Variants in AHI1 observed in about 807,000 individuals in gnomAD.
The protein encoded by AHI1 is jouberin.
Under a neutral mutation model 149.3 loss-of-function variants are expected in AHI1, and 123 were observed. The ratio of observed to expected loss-of-function variants is 0.82; its 90% CI spans 0.71 to 0.96. The LOEUF is 0.96. Ranked by LOEUF, AHI1 falls within the 40% of genes least tolerant of loss-of-function variation. AHI1 has a pLI of 0.00. For missense variants in AHI1, 1,439 were observed against 1,422.7 expected (o/e 1.01, Z -0.18); for synonymous variants, 475 against 459.8 (o/e 1.03, Z -0.42).
intron 5 of AHI1, among the ~76,000 whole-genome samples, chr6:135,469,645 A>G (rs1791378886): frequency 6.6e-6 from 1 of 152,164 alleles, no homozygotes; most frequent in Non-Finnish European, 1.5e-5. Context: ...AACAGAAATA[A>G]GATCTCAGAA....
chr6:135,389,280 G>T (rs1168723797), intron 23 of AHI1, among the ~76,000 whole-genome samples: 2 of 142,570 alleles, frequency 1.4e-5, no homozygotes, highest in African/African-American at 5.5e-5. Flanking sequence ...CACTGCACCA[G>T]CCTGGGTGAC....
At chr6:135,344,729 T>G (rs796762158) in intron 24 of AHI1, among the ~76,000 whole-genome samples, 1 of 151,546 alleles carries the variant, frequency 6.6e-6, no homozygotes, top group Admixed American at 6.6e-5. Flanking sequence ...CTTTTCTTTC[T>G]TTCCCTTCCT....
intron 14 of AHI1, among the ~76,000 whole-genome samples, chr6:135,440,144 CA>C (rs1280054863): frequency 6.6e-6 from 1 of 152,098 alleles, no homozygotes; most frequent in East Asian, 1.9e-4. Context: ...TGGGGCAGAA[CA>C]GGTCTGATGC....
chr6:135,353,112 T>C (rs1219836459), intron 24 of AHI1, among the ~76,000 whole-genome samples: 3 of 152,136 alleles, frequency 2.0e-5, no homozygotes, highest in South Asian at 2.1e-4. Flanking sequence ...CAATTTACAA[T>C]GTCTGGAGAA....
intron 8 of AHI1, among the ~76,000 whole-genome samples, chr6:135,458,286 G>C (rs780160001): frequency 1.3e-5 from 2 of 152,158 alleles, no homozygotes; most frequent in African/African-American, 4.8e-5. Flanking sequence ...CTGAAGATGA[G>C]AGTTTGGCTT....
intron 26 of AHI1, chr6:135,301,429 A>G: frequency 1.0e-6 from 1 of 985,382 alleles, no homozygotes; most frequent in South Asian, 4.7e-5. Flanking sequence ...GTCTTGTTTG[A>G]GTAACTGCTT....
At chr6:135,329,971 C>T (rs1788293190) in intron 24 of AHI1, among the ~76,000 whole-genome samples, 1 of 152,206 alleles carries the variant, frequency 6.6e-6, no homozygotes. Flanking sequence ...GGAGCCTGAA[C>T]ACGTGACTGA....
chr6:135,418,212 G>A (rs1234026616), intron 20 of AHI1, among the ~76,000 whole-genome samples: 3 of 151,996 alleles, frequency 2.0e-5, no homozygotes, highest in Non-Finnish European at 2.9e-5. Context: ...TACAGACACT[G>A]GCCCCACTTG....
At chr6:135,429,833 A>T in intron 18 of AHI1, 49 bp downstream of exon 18, 1 of 1,094,426 alleles carries the variant, frequency 9.1e-7, no homozygotes, top group Non-Finnish European at 1.3e-6. Flanking sequence ...AATTTAATTC[A>T]TTACTTACTC....
intron 5 of AHI1, among the ~76,000 whole-genome samples, chr6:135,486,233 T>C (rs971838043): frequency 3.9e-5 from 6 of 152,150 alleles, no homozygotes; most frequent in Non-Finnish European, 8.8e-5. Flanking sequence ...AGGCTAGGTG[T>C]CTCCCTTTCC....
chr6:135,301,632 C>CT, intron 26 of AHI1: 1 of 985,418 alleles, frequency 1.0e-6, no homozygotes, highest in Non-Finnish European at 1.2e-6. Context: ...AGCTGTAGAG[C>CT]TTTAAGTCAA....
chr6:135,490,105 A>C, intron 5 of AHI1: 1 of 705,584 alleles, frequency 1.4e-6, no homozygotes, highest in Non-Finnish European at 2.6e-6. Flanking sequence ...TGATTTGCTT[A>C]GTCTTTGAGC....
At chr6:135,405,440 G>A (rs368105429) in intron 21 of AHI1, among the ~76,000 whole-genome samples, 41 of 152,146 alleles carry the variant, frequency 2.7e-4, no homozygotes, top group African/African-American at 9.9e-4. Flanking sequence ...TATTGAAAGA[G>A]CTACAGAAAG....
At chr6:135,456,589 G>A (rs1490270044) in intron 9 of AHI1, among the ~76,000 whole-genome samples, 1 of 151,694 alleles carries the variant, frequency 6.6e-6, no homozygotes, top group Non-Finnish European at 1.5e-5. Flanking sequence ...CATAAAAAAG[G>A]CACAAGACTG....
chr6:135,445,928 C>T (rs976625486), intron 13 of AHI1, among the ~76,000 whole-genome samples: 1 of 151,908 alleles, frequency 6.6e-6, no homozygotes, highest in Non-Finnish European at 1.5e-5. Context: ...TGGTGGCAGA[C>T]GCCTGTAGTC....
intron 14 of AHI1, among the ~76,000 whole-genome samples, chr6:135,439,759 T>C (rs1444270386): frequency 6.6e-6 from 1 of 152,192 alleles, no homozygotes; most frequent in African/African-American, 2.4e-5. Context: ...GTGGAAAGCA[T>C]GAGCATACAT....
At chr6:135,484,060 G>A (rs1794122040) in intron 5 of AHI1, among the ~76,000 whole-genome samples, 1 of 151,722 alleles carries the variant, frequency 6.6e-6, no homozygotes, top group South Asian at 2.1e-4. Context: ...AAGGCAAGGT[G>A]GAGCAAGTCA....
intron 25 of AHI1, among the ~76,000 whole-genome samples, chr6:135,320,954 G>A (rs927684557): frequency 1.3e-5 from 2 of 152,322 alleles, no homozygotes; most frequent in South Asian, 2.1e-4. Flanking sequence ...GAAGTTAGAA[G>A]TGCTGAGCTT....
At chr6:135,317,833 G>A (rs1296907891) in intron 26 of AHI1, among the ~76,000 whole-genome samples, 1 of 152,198 alleles carries the variant, frequency 6.6e-6, no homozygotes, top group African/African-American at 2.4e-5. Flanking sequence ...AAAAATCTAT[G>A]TTGGTTCATG....
Sources: allele counts gnomAD v4.1 joint callset (sites outside exome capture counted in the v4.1 genomes callset), GRCh38; gene constraint gnomAD v4.1.1; transcripts MANE v1.5; gene names NCBI Gene and HGNC (gene_info 2026-07-23, HGNC 2026-07-21).